Variants in POT1 observed in about 807,000 individuals in gnomAD.
POT1 encodes the protein protection of telomeres protein 1.
In POT1, 47 loss-of-function variants were observed where a neutral mutation model predicts 78.5. The ratio of observed to expected loss-of-function variants is 0.60; its 90% CI spans 0.47 to 0.76. POT1 has a LOEUF of 0.76. POT1 is among the 30% of genes least tolerant of loss of function. The pLI, the probability that POT1 is intolerant of heterozygous loss-of-function variation, is 0.00. For synonymous variants in POT1, 259 were observed against 260.7 expected, an observed-to-expected ratio of 0.99 and a Z score of 0.06; for missense variants, 646 against 749.9, an observed-to-expected ratio of 0.86 and a Z score of 1.62.
intron 3 of POT1, among the ~76,000 whole-genome samples, chr7:124,907,460 T>C (rs1796792549): frequency 6.6e-6 from 1 of 151,410 alleles, no homozygotes; most frequent in Non-Finnish European, 1.5e-5. Context: ...TAAGGCCACA[T>C]ACTGTATGAT....
chr7:124,884,495 G>C (rs1034377967), intron 6 of POT1, among the ~76,000 whole-genome samples: 1 of 152,098 alleles, frequency 6.6e-6, no homozygotes, highest in East Asian at 1.9e-4. Context: ...TTTAATGGGA[G>C]GTAGGGTAAG....
chr7:124,852,538 G>A (rs1795335647), intron 10 of POT1, among the ~76,000 whole-genome samples: 1 of 152,066 alleles, frequency 6.6e-6, no homozygotes, highest in South Asian at 2.1e-4. Context: ...ATTTTAAAAA[G>A]TTTAAAAGAG....
At chr7:124,924,747 C>T (rs1486469721) in intron 2 of POT1, among the ~76,000 whole-genome samples, 1 of 151,980 alleles carries the variant, frequency 6.6e-6, no homozygotes, top group Non-Finnish European at 1.5e-5. Flanking sequence ...AACAGCATGT[C>T]AAAAAGATCA....
intron 3 of POT1, among the ~76,000 whole-genome samples, chr7:124,915,269 C>T (rs984412570): frequency 6.6e-6 from 1 of 152,146 alleles, no homozygotes; most frequent in Non-Finnish European, 1.5e-5. Flanking sequence ...TCCTAGCTTA[C>T]CATGATTACT....
At chr7:124,920,984 C>G (rs1433336801) in intron 2 of POT1, among the ~76,000 whole-genome samples, 1 of 151,982 alleles carries the variant, frequency 6.6e-6, no homozygotes, top group Admixed American at 6.6e-5. Flanking sequence ...ATAATCCCAG[C>G]TACTTGGGAG....
intron 15 of POT1, 136 bp downstream of exon 15, chr7:124,835,143 G>T: frequency 9.9e-7 from 1 of 1,009,714 alleles, no homozygotes; most frequent in Non-Finnish European, 1.4e-6. Context: ...GCCTAATGCA[G>T]GTGACGGGTT....
At chr7:124,838,072 G>A (rs1794938352) in intron 14 of POT1, among the ~76,000 whole-genome samples, 1 of 152,036 alleles carries the variant, frequency 6.6e-6, no homozygotes, top group Admixed American at 6.6e-5. Flanking sequence ...AAAGAACATC[G>A]ATAAAATAGC....
At chr7:124,851,842 T>C (rs753521080) in intron 11 of POT1, 30 bp downstream of exon 11, 1 of 1,431,552 alleles carries the variant, frequency 7.0e-7, no homozygotes, top group Non-Finnish European at 9.9e-7. Flanking sequence ...TAGCAAGAAC[T>C]AAACTGTCAA....
At chr7:124,924,672 TAC>T (rs540217934) in intron 2 of POT1, among the ~76,000 whole-genome samples, 75 of 151,936 alleles carry the variant, frequency 4.9e-4, no homozygotes, top group African/African-American at 1.8e-3. Context: ...AAACAAAAAC[TAC>T]AGACTAGTAT....
chr7:124,858,690 A>C (rs1795505559), intron 9 of POT1: 1 of 222,810 alleles, frequency 4.5e-6, no homozygotes, highest in Non-Finnish European at 8.6e-6. Context: ...TCACACAACA[A>C]AATTTTTCTA....
rs1208802387 is a variant in POT1, at chr7:124,928,839, G to T, written c.-251C>A. ...CCTGAATATATTTCTTGCTATAATT[G>T]TAACCTGGCTGTAGGGATCCGAAAT... On this transcript the variant is annotated 5_prime_UTR_variant, in exon 2 of 19. The change creates a premature stop within an existing upstream ORF in the 5' untranslated region. Transcript: ENST00000357628. The T allele has an allele frequency of 6.6e-6, 1 of 152,548 alleles. No homozygotes were observed. The highest frequency in any genetic ancestry group is 1.9e-4 in the East Asian group (1 of 5,186). The allele number at this position is 152,548 out of a possible 1,614,324, so 9.4% of individuals were successfully genotyped here.
At chr7:124,847,265 T>C (rs908879466) in intron 11 of POT1, among the ~76,000 whole-genome samples, 99 of 152,258 alleles carry the variant, frequency 6.5e-4, no homozygotes, top group African/African-American at 2.3e-3. Flanking sequence ...AGGACTGAGG[T>C]GGGCAGATCA....
At chr7:124,912,224 A>G (rs906587010) in intron 3 of POT1, among the ~76,000 whole-genome samples, 20 of 151,850 alleles carry the variant, frequency 1.3e-4, no homozygotes, top group African/African-American at 4.8e-4. Flanking sequence ...AGCAGATATC[A>G]TTACCTCCAT....
intron 5 of POT1, 88 bp from the exon 6 acceptor site, chr7:124,892,468 T>G: frequency 1.5e-6 from 1 of 663,814 alleles, no homozygotes. Context: ...CAAATCCATG[T>G]AACTATTTTA....
chr7:124,842,218 T>C (rs1260777558), intron 13 of POT1, among the ~76,000 whole-genome samples: 3 of 151,954 alleles, frequency 2.0e-5, no homozygotes, highest in African/African-American at 7.2e-5. Context: ...TGCAAAAAGA[T>C]GAGGAGCTTT....
Position 124,892,287 on chromosome 7 carries a change from G to T in POT1, c.103C>A (p.Pro35Thr). 1 of 1,543,222 alleles carries T rather than the reference G, an allele frequency of 6.5e-7. No homozygotes were observed. The highest frequency in any genetic ancestry group is 1.2e-5 in the South Asian group (1 of 80,164). Residue 35 changes from proline to threonine, a missense_variant, in exon 6 of 19, where the codon CCA becomes ACA. Around this residue, in one of 2 missense-constraint regions of POT1, gnomAD observed 252 missense variants for 341.4 expected, o/e 0.74. Transcript: ENST00000357628. Reference sequence around the variant, plus strand: ...CTACCAGTTCCTTTGCTTAGATATGGGGGCTTAAAGAACTTCACAACACCA... The same window carrying T: ...CTACCAGTTCCTTTGCTTAGATATGTGGGCTTAAAGAACTTCACAACACCA... ...VYGVVKFFKP[P>T]YLSKGTDYCS... is the part of the protein sequence containing the mutation.
intron 2 of POT1, among the ~76,000 whole-genome samples, chr7:124,926,588 C>G (rs1282889950): frequency 6.6e-6 from 1 of 152,010 alleles, no homozygotes; most frequent in East Asian, 1.9e-4. Flanking sequence ...TGGGTATGTA[C>G]CCAAAGGAAA....
intron 4 of POT1, among the ~76,000 whole-genome samples, chr7:124,897,467 A>C (rs2116644268): frequency 6.6e-6 from 1 of 152,102 alleles, no homozygotes. Context: ...TACAGATTAA[A>C]TCTGAAGCAC....
chr7:124,848,458 A>T (rs1452436945), intron 11 of POT1: 7 of 152,474 alleles, frequency 4.6e-5, no homozygotes, highest in Admixed American at 3.3e-4. Flanking sequence ...TAAGGTCAGG[A>T]GTTCGAGACC....
Sources: gnomAD v4.1 joint callset for allele counts (sites outside exome capture counted in the v4.1 genomes callset) on GRCh38, gnomAD v4.1.1 for gene constraint, gnomAD v4.1.1 regional missense constraint, MANE v1.5 for transcripts, NCBI Gene and HGNC (gene_info 2026-07-23, HGNC 2026-07-21) for gene names.